METTL24: variants seen among roughly 807,000 people sequenced by gnomAD.
METTL24 encodes the protein methyltransferase like 24.
In METTL24, 29 loss-of-function variants were observed where a neutral mutation model predicts 32.7. The ratio of observed to expected loss-of-function variants is 0.89; its 90% CI spans 0.66 to 1.21. The LOEUF (loss-of-function observed/expected upper bound fraction) is 1.21. Ranked by LOEUF, METTL24 falls within the 50% of genes most tolerant of loss-of-function variation. The pLI is 0.00. For synonymous variants in METTL24, 163 were observed against 179.5 expected (o/e 0.91, Z 0.73); for missense variants, 439 against 468.1 (o/e 0.94, Z 0.57).
chr6:110,351,737 G>A (rs1322560567), intron 1 of METTL24, among the ~76,000 whole-genome samples: 2 of 152,256 alleles, frequency 1.3e-5, no homozygotes, highest in Non-Finnish European at 2.9e-5. Context: ...CAAGTGGCCT[G>A]AGCCGGCTGG....
At chr6:110,265,550 C>T (rs532471400) in intron 4 of METTL24, among the ~76,000 whole-genome samples, 1 of 152,154 alleles carries the variant, frequency 6.6e-6, no homozygotes, top group East Asian at 1.9e-4. Context: ...AAAATCTGAG[C>T]AATAAGATAT....
intron 4 of METTL24, among the ~76,000 whole-genome samples, chr6:110,291,605 A>G (rs1304178519): frequency 6.6e-6 from 1 of 152,142 alleles, no homozygotes; most frequent in Non-Finnish European, 1.5e-5. Context: ...ATAAACCTGT[A>G]CCATGAGGGT....
intron 3 of METTL24, among the ~76,000 whole-genome samples, chr6:110,306,045 A>G (rs1771621468): frequency 6.6e-6 from 1 of 152,108 alleles, no homozygotes; most frequent in African/African-American, 2.4e-5. Flanking sequence ...TGAAGCTGGA[A>G]ACCATCATCC....
intron 1 of METTL24, among the ~76,000 whole-genome samples, chr6:110,334,084 A>AG (rs909467797): frequency 2.7e-5 from 4 of 147,650 alleles, no homozygotes; most frequent in Admixed American, 6.7e-5. Context: ...GAACAGGAAA[A>AG]GGGGGGCCTG....
At chr6:110,332,414 G>T in intron 1 of METTL24, 1 of 557,548 alleles carries the variant, frequency 1.8e-6, no homozygotes, top group Non-Finnish European at 2.3e-6. Context: ...TTTTTATCAT[G>T]GGCAGTAAAA....
chr6:110,338,550 G>A (rs1194059413), intron 1 of METTL24, among the ~76,000 whole-genome samples: 2 of 152,118 alleles, frequency 1.3e-5, no homozygotes, highest in Non-Finnish European at 2.9e-5. Flanking sequence ...ACGTGTCTTC[G>A]ATTCAGCTTT....
chr6:110,275,592 A>C (rs1453574513), intron 4 of METTL24, among the ~76,000 whole-genome samples: 1 of 152,066 alleles, frequency 6.6e-6, no homozygotes, highest in Non-Finnish European at 1.5e-5. Flanking sequence ...CTTCAAACAA[A>C]TGTTTGTCTC....
At chr6:110,265,173 GAA>G (rs1770831743) in intron 4 of METTL24, among the ~76,000 whole-genome samples, 1 of 148,006 alleles carries the variant, frequency 6.8e-6, no homozygotes, top group Non-Finnish European at 1.5e-5. Context: ...AAGAAAGAAA[GAA>G]AGAAAGAAAG....
chr6:110,254,114 GATTTA>G (rs1778336746), intron 4 of METTL24: 1 of 502,860 alleles, frequency 2.0e-6, no homozygotes, highest in African/African-American at 2.0e-5. Flanking sequence ...CTTTTGTAAT[GATTTA>G]ATTTATTTAA....
At chr6:110,265,552 A>G (rs1346748162) in intron 4 of METTL24, among the ~76,000 whole-genome samples, 2 of 152,152 alleles carry the variant, frequency 1.3e-5, no homozygotes, top group African/African-American at 4.8e-5. Context: ...AATCTGAGCA[A>G]TAAGATATAA....
intron 1 of METTL24, among the ~76,000 whole-genome samples, chr6:110,351,047 G>A (rs1490252666): frequency 6.6e-6 from 1 of 152,068 alleles, no homozygotes; most frequent in African/African-American, 2.4e-5. Context: ...GGCGGAGGTT[G>A]CAGTGAGCCG....
At chr6:110,348,832 C>G (rs1772534967) in intron 1 of METTL24, among the ~76,000 whole-genome samples, 1 of 152,222 alleles carries the variant, frequency 6.6e-6, no homozygotes, top group African/African-American at 2.4e-5. Flanking sequence ...GAGAAAAAGA[C>G]CAGCAGACCA....
chr6:110,265,850 C>A (rs922947189), intron 4 of METTL24, among the ~76,000 whole-genome samples: 3 of 151,870 alleles, frequency 2.0e-5, no homozygotes, highest in Admixed American at 6.6e-5. Context: ...TCCTCCTCCT[C>A]TTCCTCTTCC....
intron 1 of METTL24, among the ~76,000 whole-genome samples, chr6:110,327,637 T>C (rs1449248005): frequency 2.6e-5 from 4 of 152,224 alleles, no homozygotes; most frequent in Non-Finnish European, 4.4e-5. Context: ...TATTTCCCCA[T>C]GGAAACCGCT....
intron 4 of METTL24, among the ~76,000 whole-genome samples, chr6:110,274,117 G>T (rs1281152284): frequency 6.6e-6 from 1 of 152,058 alleles, no homozygotes; most frequent in Non-Finnish European, 1.5e-5. Context: ...TTTTGAGATG[G>T]AGTCTTGCTC....
intron 3 of METTL24, among the ~76,000 whole-genome samples, chr6:110,307,710 G>A (rs1401309420): frequency 6.6e-6 from 1 of 152,172 alleles, no homozygotes; most frequent in East Asian, 1.9e-4. Context: ...AATCTCAGGA[G>A]TTCTGTTACC....
At chr6:110,335,647 G>C (rs1219232981) in intron 1 of METTL24, among the ~76,000 whole-genome samples, 1 of 133,768 alleles carries the variant, frequency 7.5e-6, no homozygotes, top group Non-Finnish European at 1.5e-5. Flanking sequence ...GGCTAGACTT[G>C]AACTCCTGGA....
intron 4 of METTL24, among the ~76,000 whole-genome samples, chr6:110,284,585 T>C (rs971191704): frequency 9.2e-5 from 14 of 151,594 alleles, no homozygotes; most frequent in African/African-American, 3.4e-4. Flanking sequence ...CATGGGAACA[T>C]AGAGAAACGA....
At chr6:110,310,519 C>A (rs564936701) in intron 3 of METTL24, among the ~76,000 whole-genome samples, 60 of 152,244 alleles carry the variant, frequency 3.9e-4, no homozygotes, top group Non-Finnish European at 8.2e-4. Context: ...ATGATATTGT[C>A]ATCTGAACCC....
Sources: gnomAD v4.1 joint callset for allele counts (sites outside exome capture counted in the v4.1 genomes callset) on GRCh38, gnomAD v4.1.1 for gene constraint, MANE v1.5 for transcripts, NCBI Gene and HGNC (gene_info 2026-07-23, HGNC 2026-07-21) for gene names.